Variants in KIAA1217 observed in about 807,000 individuals in gnomAD.
The protein encoded by KIAA1217 is KIAA1217, also known as sickle tail protein homolog.
In KIAA1217, 88 loss-of-function variants were observed where a neutral mutation model predicts 163.9. The observed-to-expected ratio is 0.54, with a 90% CI of 0.45 to 0.64. The LOEUF (loss-of-function observed/expected upper bound fraction) is 0.64. Ranked by LOEUF, KIAA1217 falls within the 30% of genes least tolerant of loss-of-function variation. KIAA1217 has a pLI of 0.00. For synonymous variants in KIAA1217, 903 were observed against 923.1 expected, an observed-to-expected ratio of 0.98 and a Z score of 0.39; for missense variants, 2,372 against 2,475.0, an observed-to-expected ratio of 0.96 and a Z score of 0.88.
chr10:24,221,924 C>G (rs765087782), intron 2 of KIAA1217, among the ~76,000 whole-genome samples: 1 of 152,136 alleles, frequency 6.6e-6, no homozygotes, highest in Non-Finnish European at 1.5e-5. Flanking sequence ...GTAGTCCCAG[C>G]TTCTCAGGAG....
intron 1 of KIAA1217, among the ~76,000 whole-genome samples, chr10:23,723,769 C>G (rs1034565711): frequency 6.6e-6 from 1 of 152,024 alleles, no homozygotes; most frequent in African/African-American, 2.4e-5. Flanking sequence ...TTGCTGTTTG[C>G]TGATTTTTTT....
intron 2 of KIAA1217, among the ~76,000 whole-genome samples, chr10:24,339,597 T>C (rs948478262): frequency 1.3e-5 from 2 of 152,202 alleles, no homozygotes; most frequent in Non-Finnish European, 2.9e-5. Context: ...CTAGAGCAGG[T>C]GTTGTACGTG....
chr10:24,543,786 G>T lies in KIAA1217; in HGVS notation c.4516G>T (p.Val1506Leu). 1 of 1,613,658 alleles carries T rather than the reference G, an allele frequency of 6.2e-7. No homozygotes were observed. The highest frequency in any genetic ancestry group is 8.5e-7 in the Non-Finnish European group (1 of 1,179,838). The part of the protein sequence containing the change: ...NNTSQMSHKK[V>L]APGNLRTGQQ... ...CACTTCCCAGATGTCTCATAAGAAGGTGGCCCCAGGCAATCTTAGAACCGG... is the reference window on the plus strand; with the variant it reads ...CACTTCCCAGATGTCTCATAAGAAGTTGGCCCCAGGCAATCTTAGAACCGG... The change falls in exon 19 of 21, where the codon GTG (valine) becomes TTG (leucine). Residue 1506 changes from valine (V) to leucine (L), a missense_variant. Coordinates refer to ENST00000376454, the MANE Select transcript of KIAA1217 (RefSeq NM_019590.5).
chr10:24,447,417 T>C (rs1406755749), intron 5 of KIAA1217, among the ~76,000 whole-genome samples: 1 of 152,054 alleles, frequency 6.6e-6, no homozygotes, highest in Non-Finnish European at 1.5e-5. Context: ...CCCCGGTGTG[T>C]GATGTTCCCC....
At chr10:24,186,267 T>A (rs2066424005) in intron 2 of KIAA1217, among the ~76,000 whole-genome samples, 1 of 152,300 alleles carries the variant, frequency 6.6e-6, no homozygotes, top group African/African-American at 2.4e-5. Context: ...GGAACTATTT[T>A]CCTGAGCATT....
intron 9 of KIAA1217, among the ~76,000 whole-genome samples, chr10:24,510,597 A>C (rs1430469266): frequency 6.6e-6 from 1 of 152,174 alleles, no homozygotes; most frequent in Non-Finnish European, 1.5e-5. Flanking sequence ...AGACCCATTT[A>C]ATTATCTACT....
intron 1 of KIAA1217, among the ~76,000 whole-genome samples, chr10:24,217,363 T>C (rs2068969419): frequency 6.6e-6 from 1 of 152,188 alleles, no homozygotes; most frequent in Non-Finnish European, 1.5e-5. Flanking sequence ...CTTGTAAACT[T>C]ACTGCTGAAA....
chr10:23,789,463 A>G (rs1835641410), intron 1 of KIAA1217, among the ~76,000 whole-genome samples: 1 of 152,158 alleles, frequency 6.6e-6, no homozygotes, highest in Non-Finnish European at 1.5e-5. Flanking sequence ...CACCTGAAAG[A>G]TGCTGGGTAA....
chr10:23,876,399 G>C (rs1314572435), intron 1 of KIAA1217, among the ~76,000 whole-genome samples: 1 of 151,748 alleles, frequency 6.6e-6, no homozygotes, highest in African/African-American at 2.4e-5. Context: ...CTCTATGGGT[G>C]ATGGGATCAA....
intron 1 of KIAA1217, among the ~76,000 whole-genome samples, chr10:23,925,770 C>T (rs548521069): frequency 6.6e-6 from 1 of 152,158 alleles, no homozygotes; most frequent in African/African-American, 2.4e-5. Flanking sequence ...CTCTTTCCAG[C>T]TCTGTGGCCT....
chr10:24,364,771 T>C (rs1228556753), intron 2 of KIAA1217, among the ~76,000 whole-genome samples: 2 of 151,858 alleles, frequency 1.3e-5, no homozygotes, highest in Non-Finnish European at 2.9e-5. Context: ...CCTTTCTTTC[T>C]TTCTTTTTTC....
intron 2 of KIAA1217, among the ~76,000 whole-genome samples, chr10:24,231,299 G>C (rs999416717): frequency 6.6e-6 from 1 of 152,096 alleles, no homozygotes; most frequent in Non-Finnish European, 1.5e-5. Flanking sequence ...CTGGGTAACG[G>C]AGTGCGACTC....
chr10:24,302,606 C>T (rs1020355916), intron 2 of KIAA1217, among the ~76,000 whole-genome samples: 2 of 152,148 alleles, frequency 1.3e-5, no homozygotes, highest in African/African-American at 4.8e-5. Context: ...AAAGTACCTG[C>T]CTTATTAGTG....
chr10:24,080,959 A>G (rs937772418), intron 2 of KIAA1217, among the ~76,000 whole-genome samples: 2 of 152,196 alleles, frequency 1.3e-5, no homozygotes, highest in African/African-American at 4.8e-5. Context: ...GAATGATAGG[A>G]GTTAACGTGT....
chr10:23,710,647 T>C (rs1837190994), intron 1 of KIAA1217, among the ~76,000 whole-genome samples: 1 of 152,328 alleles, frequency 6.6e-6, no homozygotes, highest in Non-Finnish European at 1.5e-5. Flanking sequence ...TTTTGGAAAA[T>C]TCATTATATT....
intron 6 of KIAA1217, among the ~76,000 whole-genome samples, chr10:24,483,703 T>G (rs144441665): frequency 1.9e-4 from 29 of 152,252 alleles, no homozygotes; most frequent in African/African-American, 6.7e-4. Context: ...TGAAGGTAAA[T>G]TAGCTGGCCG....
At chr10:23,818,351 A>AATATATATAT (rs1554802293) in intron 1 of KIAA1217, among the ~76,000 whole-genome samples, 2 of 134,908 alleles carry the variant, frequency 1.5e-5, no homozygotes, top group African/African-American at 5.6e-5. Context: ...TATATAAAAA[A>AATATATATAT]ATATATATAT....
chr10:23,768,255 T>C (rs1564403890), intron 1 of KIAA1217, among the ~76,000 whole-genome samples: 1 of 152,100 alleles, frequency 6.6e-6, no homozygotes, highest in Non-Finnish European at 1.5e-5. Context: ...AGAGGAGGGA[T>C]AGGAATGATG....
intron 3 of KIAA1217, among the ~76,000 whole-genome samples, chr10:24,410,789 G>T (rs995884767): frequency 1.3e-5 from 2 of 152,198 alleles, no homozygotes; most frequent in African/African-American, 4.8e-5. Context: ...TTAGAAACTG[G>T]ATTGCCCTTG....
Sources: allele counts gnomAD v4.1 joint callset (sites outside exome capture counted in the v4.1 genomes callset), GRCh38; gene constraint gnomAD v4.1.1; transcripts MANE v1.5; gene names NCBI Gene and HGNC (gene_info 2026-07-23, HGNC 2026-07-21).